EPHA6: variants seen among roughly 807,000 people sequenced by gnomAD.
The protein encoded by EPHA6 is ephrin type-A receptor 6.
EPHA6 carries 50 observed loss-of-function variants against 112.0 expected under a neutral mutation model. That is an observed-to-expected ratio of 0.45 (90% CI 0.36 to 0.56). The LOEUF (loss-of-function observed/expected upper bound fraction) is 0.56, where lower values mean the gene tolerates loss of function less well. EPHA6 is among the 20% of genes least tolerant of loss of function. The probability of loss-of-function intolerance (pLI) is 0.00; values close to 1 mark genes in which losing one functional copy is unlikely to be tolerated. For synonymous variants in EPHA6, 529 were observed against 490.7 expected, an observed-to-expected ratio of 1.08 and a Z score of -1.03; for missense variants, 1,280 against 1,417.4, an observed-to-expected ratio of 0.90 and a Z score of 1.56.
intron 3 of EPHA6, among the ~76,000 whole-genome samples, chr3:97,037,088 T>C (rs2045129193): frequency 1.3e-5 from 2 of 152,064 alleles, no homozygotes; most frequent in Non-Finnish European, 1.5e-5. Flanking sequence ...AAAAGGTGTA[T>C]TTGAACAAAC....
intron 2 of EPHA6, among the ~76,000 whole-genome samples, chr3:96,962,159 C>T (rs940614936): frequency 6.6e-6 from 1 of 152,026 alleles, no homozygotes; most frequent in Admixed American, 6.6e-5. Flanking sequence ...GGAGACAAAA[C>T]CCAGCCTTCA....
intron 14 of EPHA6, among the ~76,000 whole-genome samples, chr3:97,686,356 T>C (rs2032249754): frequency 6.6e-6 from 1 of 152,106 alleles, no homozygotes; most frequent in Admixed American, 6.6e-5. Context: ...ATCTTCTCTT[T>C]CACAAAAATT....
At position 97,079,606 on chromosome 3, in the gene EPHA6, T is replaced by TAAAAAAAAAAAAA. The variant is rs71113851; in HGVS notation, c.1114+91618_1114+91630dup. Among the ~76,000 whole-genome samples the TAAAAAAAAAAAAA allele has an allele frequency of 8.8e-5, 10 of 113,266 alleles. 1 individual carries two copies. The highest frequency in any genetic ancestry group is 1.4e-4 in the African/African-American group (5 of 36,510). The allele number at this position is 113,266 out of a possible 152,430, so 74.3% of individuals were successfully genotyped here. ...TGTACCCCTGAATTTAAATTAAAAG[T>TAAAAAAAAAAAAA]AAAAAAAAAAAAAAAAAGCAACCAC... On this transcript the variant is annotated intron_variant, in intron 3 of 17. Transcript: ENST00000389672.
intron 2 of EPHA6, among the ~76,000 whole-genome samples, chr3:96,906,558 G>C (rs770642325): frequency 6.6e-6 from 1 of 152,002 alleles, no homozygotes; most frequent in African/African-American, 2.4e-5. Context: ...GACATGTCAC[G>C]TGCCCTTGTG....
chr3:97,516,939 A>C (rs1194180893), intron 10 of EPHA6, among the ~76,000 whole-genome samples: 3 of 152,102 alleles, frequency 2.0e-5, no homozygotes. Flanking sequence ...ACAAATATTA[A>C]AAAGATATTT....
At chr3:97,251,384 G>A (rs1046225503) in intron 5 of EPHA6, among the ~76,000 whole-genome samples, 1 of 151,886 alleles carries the variant, frequency 6.6e-6, no homozygotes, top group African/African-American at 2.4e-5. Context: ...CAAAAAATTA[G>A]CCGGGCGTGG....
intron 14 of EPHA6, among the ~76,000 whole-genome samples, chr3:97,664,407 G>A (rs2094191554): frequency 6.6e-6 from 1 of 152,160 alleles, no homozygotes; most frequent in African/African-American, 2.4e-5. Flanking sequence ...TTGAAAACTG[G>A]TACAAGACAG....
At chr3:97,536,072 A>G (rs1018230230) in intron 11 of EPHA6, among the ~76,000 whole-genome samples, 19 of 152,172 alleles carry the variant, frequency 1.2e-4, no homozygotes, top group African/African-American at 4.3e-4. Context: ...AAAAGAGATT[A>G]ATTGACCCAT....
chr3:96,829,949 G>GCGCGCGCGCACACA (rs373416797), intron 1 of EPHA6, among the ~76,000 whole-genome samples: 2 of 136,074 alleles, frequency 1.5e-5, no homozygotes, highest in Admixed American at 7.0e-5. Flanking sequence ...GCGCGCGCGC[G>GCGCGCGCGCACACA]CACACACACA....
chr3:97,115,972 A>G (rs1408634246), intron 3 of EPHA6, among the ~76,000 whole-genome samples: 1 of 151,808 alleles, frequency 6.6e-6, no homozygotes, highest in Admixed American at 6.6e-5. Context: ...GGTGATAATT[A>G]TATGAAAAGC....
intron 17 of EPHA6, 36 bp downstream of exon 17, chr3:97,747,608 T>C: frequency 6.5e-7 from 1 of 1,535,438 alleles, no homozygotes; most frequent in Non-Finnish European, 8.8e-7. Context: ...TAACGAGATG[T>C]CCTGCTGGGG....
chr3:96,836,586 A>T (rs544769230), intron 1 of EPHA6, among the ~76,000 whole-genome samples: 1 of 152,180 alleles, frequency 6.6e-6, no homozygotes, highest in Non-Finnish European at 1.5e-5. Flanking sequence ...TTAATCATTC[A>T]TTCCACATTT....
chr3:97,288,924 A>ATT (rs374397667), intron 5 of EPHA6, among the ~76,000 whole-genome samples: 5,225 of 111,180 alleles, frequency 0.047, 329 homozygotes, highest in African/African-American at 0.14. Context: ...TTTAATGGGG[A>ATT]TTTTTTTTTT....
chr3:97,382,042 AT>A (rs902583556), intron 5 of EPHA6, among the ~76,000 whole-genome samples: 1 of 152,050 alleles, frequency 6.6e-6, no homozygotes, highest in Non-Finnish European at 1.5e-5. Context: ...GTCAAATGGG[AT>A]TTTACAAAGC....
intron 14 of EPHA6, among the ~76,000 whole-genome samples, chr3:97,666,283 G>A (rs556920554): frequency 1.3e-5 from 2 of 152,188 alleles, no homozygotes; most frequent in African/African-American, 4.8e-5. Flanking sequence ...GAGAGAGATT[G>A]TGCTTTTATT....
chr3:97,099,645 T>C (rs1429726511), intron 3 of EPHA6, among the ~76,000 whole-genome samples: 1 of 151,898 alleles, frequency 6.6e-6, no homozygotes, highest in East Asian at 1.9e-4. Flanking sequence ...TTGATTAAAG[T>C]AGAATATGCC....
chr3:97,067,942 C>T (rs574493326), intron 3 of EPHA6, among the ~76,000 whole-genome samples: 163 of 151,736 alleles, frequency 1.1e-3, no homozygotes, highest in African/African-American at 3.8e-3. Flanking sequence ...GCCAGGAGTT[C>T]GAGACCAGCC....
chr3:96,925,895 C>T (rs747502278), intron 2 of EPHA6, among the ~76,000 whole-genome samples: 6 of 152,066 alleles, frequency 3.9e-5, no homozygotes, highest in Admixed American at 1.3e-4. Context: ...TGTGAGCCAT[C>T]GTGCCCAGCC....
intron 2 of EPHA6, among the ~76,000 whole-genome samples, chr3:96,935,700 A>G (rs2040543892): frequency 6.8e-6 from 1 of 147,590 alleles, no homozygotes; most frequent in Non-Finnish European, 1.5e-5. Flanking sequence ...CACATTATGT[A>G]TATTATATAT....
Sources: allele counts gnomAD v4.1 joint callset (sites outside exome capture counted in the v4.1 genomes callset), GRCh38; gene constraint gnomAD v4.1.1; transcripts MANE v1.5; gene names NCBI Gene and HGNC (gene_info 2026-07-23, HGNC 2026-07-21).